KLF3: variants seen among roughly 807,000 people sequenced by gnomAD.
KLF3 encodes the protein Krueppel-like factor 3.
Under a neutral mutation model 32.7 loss-of-function variants are expected in KLF3, and 6 were observed. The ratio of observed to expected loss-of-function variants is 0.18; its 90% CI spans 0.10 to 0.36. KLF3 has a LOEUF of 0.36. Among genes scored for constraint, KLF3 ranks in the 10% least tolerant of loss-of-function variants. KLF3 has a pLI of 1.00. For synonymous variants in KLF3, 145 were observed against 172.8 expected, an observed-to-expected ratio of 0.84 and a Z score of 1.26; for missense variants, 338 against 449.7, an observed-to-expected ratio of 0.75 and a Z score of 2.25.
chr4:38,669,745 T>C (rs1722142736), intron 1 of KLF3, among the ~76,000 whole-genome samples: 1 of 151,420 alleles, frequency 6.6e-6, no homozygotes, highest in Non-Finnish European at 1.5e-5. Context: ...GTACAAAAAT[T>C]ATCCGGGCGT....
chr4:38,674,022 A>T lies in KLF3; in HGVS notation c.-39-6565A>T, dbSNP rs890553005. On this transcript the variant is annotated intron_variant, in intron 1 of 5. Coordinates refer to ENST00000261438, the MANE Select transcript of KLF3 (RefSeq NM_016531.6). The surrounding 1 kb of genome is among the most constrained non-coding windows in gnomAD (Gnocchi z 4.1). ...TTAACTTCTTTCCCATTTATAATAC[A>T]CATTAATGCAAAATAACTAATTCAT... 2.4e-4 allele frequency among the ~76,000 whole-genome samples: 37 copies of T among 152,126 alleles called. No individual in the cohort carries two copies. Among genetic ancestry groups the T allele is most frequent in the African/African-American group, 8.7e-4 (36 of 41,416 alleles).
chr4:38,690,546 G>A (rs1399407401), intron 4 of KLF3: 4 of 152,222 alleles, frequency 2.6e-5, no homozygotes, highest in Non-Finnish European at 5.9e-5. Flanking sequence ...TCTGCCATAT[G>A]TATGATCTTG....
At chr4:38,672,231 G>A (rs1486812945) in intron 1 of KLF3, among the ~76,000 whole-genome samples, 1 of 152,170 alleles carries the variant, frequency 6.6e-6, no homozygotes, top group East Asian at 1.9e-4. Flanking sequence ...TATAAGCTAA[G>A]TGCTCTTATG....
intron 5 of KLF3, 28 bp downstream of exon 5, chr4:38,694,934 C>G (rs374574455): frequency 6.4e-7 from 1 of 1,566,050 alleles, no homozygotes; most frequent in Admixed American, 2.1e-5. Flanking sequence ...CCCACTTCAT[C>G]TTTCTTCTTA....
chr4:38,689,903 G>C, intron 4 of KLF3, 24 bp downstream of exon 4: 1 of 1,596,164 alleles, frequency 6.3e-7, no homozygotes, highest in Non-Finnish European at 8.5e-7. Flanking sequence ...GGTCTACCCA[G>C]CATTTGCATA....
intron 5 of KLF3, 56 bp from the exon 6 acceptor site, chr4:38,697,026 G>T (rs567182780): frequency 7.0e-7 from 1 of 1,426,692 alleles, no homozygotes; most frequent in African/African-American, 1.4e-5. Flanking sequence ...TTAACTCAAA[G>T]ATCTTTACTA....
chr4:38,690,324 G>T (rs1438277246), intron 4 of KLF3: 2 of 154,962 alleles, frequency 1.3e-5, no homozygotes, highest in East Asian at 3.8e-4. Context: ...GGAAGGCTGT[G>T]CAGTGTTGGT....
intron 5 of KLF3, among the ~76,000 whole-genome samples, chr4:38,696,198 A>C (rs867681273): frequency 4.6e-5 from 7 of 151,624 alleles, no homozygotes; most frequent in South Asian, 2.1e-4. Flanking sequence ...AAAAAAAAAA[A>C]AAAAAAAAAA....
rs1723152495 is a variant in KLF3, at chr4:38,699,893, A to G, written c.*2630A>G. ...TCATTTTTAGCTGTTATTGTGGAAG[A>G]CCTCAAATACAAGATTAGATGCCCT... On this transcript the variant is annotated 3_prime_UTR_variant, in exon 6 of 6. Transcript: ENST00000261438. 6.6e-6 allele frequency: 1 copy of G among 152,212 alleles called. No homozygotes were observed. The highest frequency in any genetic ancestry group is 6.5e-5 in the Admixed American group (1 of 15,288). 9.4% of individuals were successfully genotyped at this position (152,212 alleles called of 1,614,324 possible). A position where few individuals can be genotyped will look rare whatever the true frequency, so the allele number is the denominator to read the frequency against.
intron 2 of KLF3, among the ~76,000 whole-genome samples, chr4:38,686,435 C>A (rs1452634714): frequency 1.5e-5 from 2 of 134,692 alleles, no homozygotes; most frequent in Non-Finnish European, 3.2e-5. Context: ...AACAGTGAGA[C>A]CCTATCTCAA....
chr4:38,688,696 A>G lies in KLF3; in HGVS notation c.169A>G (p.Ile57Val), dbSNP rs1722775416. ...FQTPEGLSHG[I>V]QMEPVDLTVN... Reference sequence around the variant, plus strand: ...GACCCCAGAAGGTCTGTCGCACGGAATACAGATGGAGCCAGTGGACCTCAC... The same window carrying G: ...GACCCCAGAAGGTCTGTCGCACGGAGTACAGATGGAGCCAGTGGACCTCAC... Residue 57 changes from isoleucine to valine, a missense_variant, in exon 3 of 6, where the codon ATA becomes GTA. Around this residue, in one of 2 missense-constraint regions of KLF3, gnomAD observed 272 missense variants for 313.4 expected, o/e 0.87. Coordinates refer to ENST00000261438, the MANE Select transcript of KLF3 (RefSeq NM_016531.6). The surrounding 1 kb of genome is among the most constrained non-coding windows in gnomAD (Gnocchi z 4.9). The G allele has an allele frequency of 1.9e-6, 3 of 1,614,166 alleles. No homozygotes were observed. Among genetic ancestry groups the G allele is most frequent in the Non-Finnish European group, 2.5e-6 (3 of 1,180,026 alleles).
rs1476234736 is a variant in KLF3 at position 38,698,011 on chromosome 4, A to G, written c.*748A>G. Reference sequence around the variant, plus strand: ...TTTAGCAGGGGGAGCAGAAGAGGCAATTCCTCCTGGGCTAGGGGTTGTCAG... The same window carrying G: ...TTTAGCAGGGGGAGCAGAAGAGGCAGTTCCTCCTGGGCTAGGGGTTGTCAG... On this transcript the variant is annotated 3_prime_UTR_variant, in exon 6 of 6. Coordinates refer to ENST00000261438, the MANE Select transcript of KLF3 (RefSeq NM_016531.6). 6.6e-6 allele frequency: 1 copy of G among 152,222 alleles called. No homozygotes were observed. The highest frequency in any genetic ancestry group is 2.4e-5 in the African/African-American group (1 of 41,432). 9.4% of individuals were successfully genotyped at this position (152,222 alleles called of 1,614,324 possible).
Position 38,699,004 on chromosome 4 carries a change from T to G in KLF3, c.*1741T>G, listed in dbSNP as rs1407944357. On this transcript the variant is annotated 3_prime_UTR_variant, in exon 6 of 6. Coordinates refer to ENST00000261438, the MANE Select transcript of KLF3 (RefSeq NM_016531.6). The stretch of plus-strand genomic sequence containing the variant: ...ATGAGTGATTCCGGAGGCCTGTGAA[T>G]TGTGTGGGGAGCTTGCTTTGATGGC... 1 of 152,196 alleles carries G rather than the reference T, an allele frequency of 6.6e-6. No individual in the cohort carries two copies. The highest frequency in any genetic ancestry group is 2.4e-5 in the African/African-American group (1 of 41,446). 9.4% of individuals were successfully genotyped at this position (152,196 alleles called of 1,614,324 possible).
chr4:38,681,921 A>G (rs1329492161), intron 2 of KLF3, among the ~76,000 whole-genome samples: 1 of 152,266 alleles, frequency 6.6e-6, no homozygotes. Flanking sequence ...CTAAGCCAGT[A>G]AAGTGTTTAC....
At chr4:38,670,089 C>G (rs550630393) in intron 1 of KLF3, among the ~76,000 whole-genome samples, 22 of 152,148 alleles carry the variant, frequency 1.4e-4, no homozygotes, top group African/African-American at 5.3e-4. Flanking sequence ...GTTTTTGAAA[C>G]TCACTCCATT....
chr4:38,685,393 A>T (rs181001203), intron 2 of KLF3, among the ~76,000 whole-genome samples: 14 of 152,334 alleles, frequency 9.2e-5, no homozygotes, highest in Admixed American at 7.2e-4. Flanking sequence ...ATAATCGCAC[A>T]TCCAATAGAG....
intron 1 of KLF3, among the ~76,000 whole-genome samples, chr4:38,677,315 T>G (rs1722384972): frequency 6.6e-6 from 1 of 152,208 alleles, no homozygotes; most frequent in Non-Finnish European, 1.5e-5. Flanking sequence ...AGTCTTGCAT[T>G]TCCTTAAACT....
At chr4:38,693,120 A>G (rs1341910466) in intron 4 of KLF3, among the ~76,000 whole-genome samples, 2 of 130,410 alleles carry the variant, frequency 1.5e-5, no homozygotes, top group African/African-American at 5.8e-5. Flanking sequence ...ATATATACAT[A>G]TATATATACG....
intron 4 of KLF3, among the ~76,000 whole-genome samples, chr4:38,694,338 C>G (rs1195222902): frequency 2.0e-5 from 3 of 152,126 alleles, no homozygotes; most frequent in Non-Finnish European, 2.9e-5. Flanking sequence ...TCAGCATTGC[C>G]TAGAACCACA....
Sources: gnomAD v4.1 joint callset for allele counts (sites outside exome capture counted in the v4.1 genomes callset) on GRCh38, gnomAD v4.1.1 for gene constraint, gnomAD v4.1.1 regional missense constraint, Gnocchi (gnomAD v3.1) non-coding constraint, MANE v1.5 for transcripts, NCBI Gene and HGNC (gene_info 2026-07-23, HGNC 2026-07-21) for gene names.